COA1: variants seen among roughly 807,000 people sequenced by gnomAD.
COA1 encodes the protein cytochrome c oxidase assembly factor 1, also known as cytochrome c oxidase assembly factor 1 homolog.
In COA1, 13 loss-of-function variants were observed where a neutral mutation model predicts 16.0. The ratio of observed to expected loss-of-function variants is 0.81; its 90% confidence interval spans 0.53 to 1.29. The LOEUF (loss-of-function observed/expected upper bound fraction) is 1.29, where lower values mean the gene tolerates loss of function less well. Ranked by LOEUF, COA1 falls within the 50% of genes most tolerant of loss-of-function variation. The pLI, the probability that COA1 is intolerant of heterozygous loss-of-function variation, is 0.00. For missense variants in COA1, 179 were observed against 177.0 expected, an observed-to-expected ratio of 1.01 and a Z score of -0.06; for synonymous variants, 65 against 65.7, an observed-to-expected ratio of 0.99 and a Z score of 0.05.
chr7:43,722,172 C>T (rs917930516), intron 1 of COA1, among the ~76,000 whole-genome samples: 30 of 151,732 alleles, frequency 2.0e-4, no homozygotes, highest in African/African-American at 6.8e-4. Flanking sequence ...CTCACTACAG[C>T]CTCGACCTCC....
chr7:43,634,958 T>A (rs1299531692), downstream of COA1, among the ~76,000 whole-genome samples: 1 of 152,160 alleles, frequency 6.6e-6, no homozygotes, highest in Non-Finnish European at 1.5e-5. Context: ...CCATTTGGTC[T>A]TCTCATCTTT....
At chr7:43,627,011 G>T (rs754172558) in intron 6 of COA1, among the ~76,000 whole-genome samples, 6 of 151,610 alleles carry the variant, frequency 4.0e-5, no homozygotes, top group Non-Finnish European at 8.8e-5. Context: ...ATTAATAACT[G>T]CCAGCTAGCT....
chr7:43,683,430 A>C (rs1345931977), intron 1 of COA1, among the ~76,000 whole-genome samples: 2 of 152,068 alleles, frequency 1.3e-5, no homozygotes, highest in Admixed American at 1.3e-4. Flanking sequence ...CAGGAGATCA[A>C]GACCATCCTG....
intron 4 of COA1, chr7:43,641,995 A>C (rs1462800562): frequency 6.6e-6 from 1 of 152,166 alleles, no homozygotes; most frequent in Non-Finnish European, 1.5e-5. Context: ...CAGGGGAGGG[A>C]ATTGGGGCGG....
At chr7:43,669,327 A>G (rs1298361416) in intron 1 of COA1, among the ~76,000 whole-genome samples, 1 of 152,130 alleles carries the variant, frequency 6.6e-6, no homozygotes, top group African/African-American at 2.4e-5. Context: ...AGCAAACCCC[A>G]GCTCTTAGAG....
At chr7:43,662,200 C>A (rs930652871) in intron 1 of COA1, among the ~76,000 whole-genome samples, 1 of 152,178 alleles carries the variant, frequency 6.6e-6, no homozygotes, top group African/African-American at 2.4e-5. Context: ...TTTCCAACTA[C>A]GCATCTATTT....
At chr7:43,689,055 T>C (rs1366938463) in intron 1 of COA1, among the ~76,000 whole-genome samples, 1 of 152,218 alleles carries the variant, frequency 6.6e-6, no homozygotes, top group Non-Finnish European at 1.5e-5. Flanking sequence ...TATTTAAATC[T>C]TCTCAGTTCA....
At chr7:43,721,890 C>A (rs2095511860) in intron 1 of COA1, among the ~76,000 whole-genome samples, 1 of 143,168 alleles carries the variant, frequency 7.0e-6, no homozygotes, top group African/African-American at 2.6e-5. Context: ...CTACTTATAG[C>A]TCAAAGGCTT....
At chr7:43,672,543 G>A (rs916159875) in intron 1 of COA1, among the ~76,000 whole-genome samples, 10 of 152,118 alleles carry the variant, frequency 6.6e-5, no homozygotes, top group Admixed American at 2.0e-4. Context: ...AGGCCAAGGC[G>A]GGCAGATCAC....
rs571546156 is a variant in COA1 at position 43,619,921 on chromosome 7, A to G, written c.*134-10426T>C. Among the ~76,000 whole-genome samples the G allele has an allele frequency of 2.6e-5, 4 of 152,352 alleles. No individual in the cohort carries two copies. The East Asian group carries it at 5.8e-4, about 22-fold the overall frequency. ...ATACCAAATTGGTGATCTCTTCACT[A>G]TCTCTTCACTACAGAGCTAAGAGAA... On this transcript the variant is annotated intron_variant and NMD_transcript_variant, in intron 6 of 6. Coordinates refer to the COA1 transcript ENST00000415076.
chr7:43,707,394 A>G (rs2095032541), intron 1 of COA1, among the ~76,000 whole-genome samples: 1 of 152,208 alleles, frequency 6.6e-6, no homozygotes, highest in African/African-American at 2.4e-5. Context: ...CACACAAAGA[A>G]AAGTGCACAA....
At chr7:43,611,763 C>A (rs557699852) in intron 6 of COA1, among the ~76,000 whole-genome samples, 1 of 152,276 alleles carries the variant, frequency 6.6e-6, no homozygotes, top group South Asian at 2.1e-4. Context: ...CTTAACTTTG[C>A]AAAATCGTGT....
intron 1 of COA1, among the ~76,000 whole-genome samples, chr7:43,715,734 G>T (rs965637519): frequency 6.6e-6 from 1 of 152,076 alleles, no homozygotes; most frequent in Non-Finnish European, 1.5e-5. Flanking sequence ...CAACAAACAC[G>T]GGTAGTATTT....
Position 43,691,062 on chromosome 7 carries a change from AAAAAAAAAAAAAAAAC to A in COA1, c.-39+38351_-39+38366del, listed in dbSNP as rs1223774289. 1.8e-4 allele frequency among the ~76,000 whole-genome samples: 23 copies of A among 131,364 alleles called. No individual in the cohort carries two copies. In the South Asian group the frequency reaches 5.7e-3, roughly 33 times the overall value. The allele number at this position is 131,364 out of a possible 152,430, so 86.2% of individuals were successfully genotyped here. ...GCGAGACCTCATCACTACAAAAAAAAAAAAAAAAAAAAAAACAAAAAGAAAAGAAAATTGGCCAGGC... is the reference window on the plus strand; with the variant it reads ...GCGAGACCTCATCACTACAAAAAAAAAAAAAGAAAAGAAAATTGGCCAGGC... On this transcript the variant is annotated intron_variant, in intron 1 of 5. Transcript: ENST00000223336.
chr7:43,655,062 C>CATAAAA (rs1325041239), intron 1 of COA1, among the ~76,000 whole-genome samples: 1 of 152,126 alleles, frequency 6.6e-6, no homozygotes, highest in Admixed American at 6.5e-5. Flanking sequence ...AAAATAATGG[C>CATAAAA]ATATTAGGAC....
chr7:43,619,724 G>A, intron 6 of COA1: 2 of 1,613,038 alleles, frequency 1.2e-6, no homozygotes, highest in East Asian at 2.2e-5. Flanking sequence ...GAATATGTGG[G>A]TAAGTATTCA....
At chr7:43,664,689 G>C (rs1365071218) in intron 1 of COA1, among the ~76,000 whole-genome samples, 1 of 152,154 alleles carries the variant, frequency 6.6e-6, no homozygotes, top group Non-Finnish European at 1.5e-5. Flanking sequence ...CAAGGCTTCA[G>C]TGAACCATAA....
chr7:43,703,642 G>A (rs936347886), intron 1 of COA1, among the ~76,000 whole-genome samples: 36 of 152,068 alleles, frequency 2.4e-4, no homozygotes, highest in African/African-American at 8.0e-4. Context: ...GGTTTTGTCT[G>A]AAATAAAAAT....
At chr7:43,697,297 CTTAT>C (rs1303606857) in intron 1 of COA1, among the ~76,000 whole-genome samples, 1 of 151,788 alleles carries the variant, frequency 6.6e-6, no homozygotes, top group East Asian at 1.9e-4. Flanking sequence ...CACATGGAAA[CTTAT>C]TTATTTTTGA....
Sources: allele counts gnomAD v4.1 joint callset (sites outside exome capture counted in the v4.1 genomes callset), GRCh38; gene constraint gnomAD v4.1.1; transcripts MANE v1.5; gene names NCBI Gene and HGNC (gene_info 2026-07-23, HGNC 2026-07-21).